FADS2: variants seen among roughly 807,000 people sequenced by gnomAD.
FADS2 encodes acyl-CoA 6-desaturase.
In FADS2, 18 loss-of-function variants were observed where a neutral mutation model predicts 61.2. That is an observed-to-expected ratio of 0.29 (90% confidence interval 0.20 to 0.44). FADS2 has a LOEUF of 0.44. Ranked by LOEUF, FADS2 falls within the 20% of genes least tolerant of loss-of-function variation. FADS2 has a pLI of 1.00. For synonymous variants in FADS2, 203 were observed against 223.9 expected (o/e 0.91, Z 0.83); for missense variants, 322 against 572.7 (o/e 0.56, Z 4.47).
intron 1 of FADS2, chr11:61,829,348 C>T (rs2067109045): frequency 6.6e-6 from 1 of 152,254 alleles, no homozygotes; most frequent in African/African-American, 2.4e-5. Flanking sequence ...TCCGTCTGCA[C>T]TCGAGGTTAC....
At chr11:61,855,951 C>G (rs964248865) in intron 5 of FADS2, 2 of 152,374 alleles carry the variant, frequency 1.3e-5, no homozygotes, top group African/African-American at 2.4e-5. Context: ...CCCATGTTCT[C>G]ATTGGCTCCT....
upstream of FADS2, chr11:61,826,303 G>A (rs1414718052): frequency 5.7e-6 from 4 of 702,400 alleles, no homozygotes; most frequent in African/African-American, 3.5e-5. Context: ...GGCTGGTACT[G>A]TGCTGGGAGC....
Position 61,865,823 on chromosome 11 carries a change from C to T in FADS2, c.*134C>T. 1 of 701,640 alleles carries T rather than the reference C, an allele frequency of 1.4e-6. No individual in the cohort carries two copies. The highest frequency in any genetic ancestry group is 2.5e-6 in the Non-Finnish European group (1 of 404,408). The allele number at this position is 701,640 out of a possible 1,614,324, so 43.5% of individuals were successfully genotyped here. ...CTCACGGACCCCATGTTGGATCTTT[C>T]TCCCTTTCTCCTCTCCTTTTTCTCT... On this transcript the variant is annotated 3_prime_UTR_variant, in exon 12 of 12. Coordinates refer to ENST00000278840, the MANE Select transcript of FADS2 (RefSeq NM_004265.4). This position sits in a 1 kb window ranked among gnomAD's most constrained non-coding sequence, Gnocchi z 4.1.
upstream of FADS2, among the ~76,000 whole-genome samples, chr11:61,825,256 A>G (rs926047682): frequency 6.6e-6 from 1 of 152,108 alleles, no homozygotes; most frequent in Non-Finnish European, 1.5e-5. Flanking sequence ...TATTTCTCTT[A>G]TTCCTTCATC....
At chr11:61,848,405 G>A (rs1170626961) in intron 5 of FADS2, 121 bp downstream of exon 5, 2 of 1,511,476 alleles carry the variant, frequency 1.3e-6, no homozygotes, top group Non-Finnish European at 1.8e-6. Flanking sequence ...GCGAATGGCA[G>A]CCATCGAGGT....
At chr11:61,858,616 C>T (rs1005192215) in intron 7 of FADS2, among the ~76,000 whole-genome samples, 4 of 149,026 alleles carry the variant, frequency 2.7e-5, no homozygotes, top group African/African-American at 7.4e-5. Flanking sequence ...GATGGTGTTT[C>T]GCTCTGTCGC....
intron 1 of FADS2, among the ~76,000 whole-genome samples, chr11:61,836,253 A>G (rs114495342): frequency 0.016 from 2,497 of 152,084 alleles, 65 homozygotes; most frequent in African/African-American, 0.057. Context: ...GTGCGCCGCT[A>G]CACCTGGCTA....
At chr11:61,853,235 TTCTTTC>T (rs1326992695) in intron 5 of FADS2, among the ~76,000 whole-genome samples, 1 of 45,346 alleles carries the variant, frequency 2.2e-5, no homozygotes, top group African/African-American at 1.3e-4. Context: ...TTTCTTCTCT[TTCTTTC>T]TTTCTCTCTC....
At position 61,840,468 on chromosome 11, in the gene FADS2, C is replaced by G. The variant is rs1012930201; in HGVS notation, c.453C>G (p.Val151=). 10 of 1,614,208 alleles carry G rather than the reference C, an allele frequency of 6.2e-6. No individual in the cohort carries two copies. Among genetic ancestry groups the G allele is most frequent in the Non-Finnish European group, 7.6e-6 (9 of 1,180,036 alleles). Residue 151 remains valine (V), a synonymous_variant, in exon 3 of 12, where the codon GTC becomes GTG. Transcript: ENST00000278840. ...IALESIAWFT[V]FYFGNGWIPT... ...TGGAGAGCATTGCATGGTTCACTGT[C>G]TTTTACTTTGGCAATGGCTGGATTC...
chr11:61,857,026 C>T lies in FADS2; in HGVS notation c.760C>T (p.Leu254=), dbSNP rs2067365233. The change falls in exon 6 of 12, where the codon CTG becomes TTG. Residue 254 remains leucine (L), a synonymous_variant. Coordinates refer to ENST00000278840, the MANE Select transcript of FADS2 (RefSeq NM_004265.4). ...WQPIEYGKKK[L]KYLPYNHQHE... ...CTCTCCTCAGTACGGCAAGAAGAAG[C>T]TGAAATACCTGCCCTACAATCACCA... The T allele has an allele frequency of 6.2e-7, 1 of 1,613,986 alleles. No homozygotes were observed. The highest frequency in any genetic ancestry group is 8.5e-7 in the Non-Finnish European group (1 of 1,179,930).
intron 5 of FADS2, chr11:61,855,078 TCCAAACAGACTCC>T (rs2067344430): frequency 6.6e-6 from 1 of 152,452 alleles, no homozygotes; most frequent in Non-Finnish European, 1.5e-5. Context: ...CACATGCAGC[TCCAAACAGACTCC>T]CCAGGTGCCT....
chr11:61,866,038 C>A lies in FADS2; in HGVS notation c.*349C>A. 2.3e-6 allele frequency: 1 copy of A among 429,468 alleles called. No homozygotes were observed. Among genetic ancestry groups the A allele is most frequent in the South Asian group, 8.4e-5 (1 of 11,926 alleles). 26.6% of individuals were successfully genotyped at this position (429,468 alleles called of 1,614,324 possible). A position where few individuals can be genotyped will look rare whatever the true frequency, so the allele number is the denominator to read the frequency against. ...GGGAGGAGACCAGCGGTCCATGGGT[C>A]TGGCCTGTGAGTCTCCCCTTGCAGC... is the stretch of plus-strand genomic sequence containing the variant. On this transcript the variant is annotated 3_prime_UTR_variant, in exon 12 of 12. Coordinates refer to ENST00000278840, the MANE Select transcript of FADS2 (RefSeq NM_004265.4).
intron 1 of FADS2, among the ~76,000 whole-genome samples, chr11:61,819,398 C>T (rs527598563): frequency 7.9e-5 from 12 of 151,968 alleles, no homozygotes; most frequent in East Asian, 2.0e-4. Context: ...CAAAAGAAAT[C>T]GGCTGGGCGT....
At chr11:61,854,952 G>A (rs1591177986) in intron 5 of FADS2, 1 of 152,236 alleles carries the variant, frequency 6.6e-6, no homozygotes, top group African/African-American at 2.4e-5. Flanking sequence ...GTCATTCTGG[G>A]GCATTGAAGG....
intron 6 of FADS2, 141 bp from the exon 7 acceptor site, chr11:61,857,313 G>A: frequency 2.5e-6 from 2 of 807,426 alleles, no homozygotes; most frequent in South Asian, 1.5e-5. Context: ...AGCCTTCTCT[G>A]CAGGCCCCGG....
intron 1 of FADS2, among the ~76,000 whole-genome samples, chr11:61,833,388 CCTT>C (rs764153788): frequency 1.5e-4 from 23 of 152,330 alleles, no homozygotes; most frequent in Non-Finnish European, 2.4e-4. Flanking sequence ...GTGCTGGAAA[CCTT>C]CTGCCAGCGT....
At chr11:61,820,151 A>T (rs1312002399) in intron 1 of FADS2, among the ~76,000 whole-genome samples, 1 of 152,028 alleles carries the variant, frequency 6.6e-6, no homozygotes, top group African/African-American at 2.4e-5. Context: ...TGCACCTCAG[A>T]AAAAACCAAA....
In FADS2 at chr11:61,865,448, C is replaced by A; in HGVS notation, c.1283+171C>A. The A allele has an allele frequency of 2.1e-6, 2 of 971,488 alleles. No individual in the cohort carries two copies. Among genetic ancestry groups the A allele is most frequent in the Non-Finnish European group, 3.0e-6 (2 of 657,018 alleles). 60.2% of individuals were successfully genotyped at this position (971,488 alleles called of 1,614,324 possible). A position where few individuals can be genotyped will look rare whatever the true frequency, so the allele number is the denominator to read the frequency against. ...CTTTTCTCCCTGGGCTGCGAGAAGA[C>A]CATCCCTTTCTGTGTGGGGTTCCTG... is the stretch of plus-strand genomic sequence containing the variant. On this transcript the variant is annotated intron_variant, in intron 11 of 11. Coordinates refer to ENST00000278840, the MANE Select transcript of FADS2 (RefSeq NM_004265.4). This position sits in a 1 kb window ranked among gnomAD's most constrained non-coding sequence, Gnocchi z 4.1.
intron 5 of FADS2, 141 bp downstream of exon 5, chr11:61,848,425 G>T: frequency 7.0e-7 from 1 of 1,435,596 alleles, no homozygotes; most frequent in Non-Finnish European, 9.6e-7. Context: ...TACGACTAAG[G>T]GGTTGGTGTT....
Sources: gnomAD v4.1 joint callset for allele counts (sites outside exome capture counted in the v4.1 genomes callset) on GRCh38, gnomAD v4.1.1 for gene constraint, Gnocchi (gnomAD v3.1) non-coding constraint, MANE v1.5 for transcripts, NCBI Gene and HGNC (gene_info 2026-07-23, HGNC 2026-07-21) for gene names.